The following ANKS1B variants were observed in gnomAD, a reference collection of about 807,000 sequenced individuals.
ANKS1B encodes the protein ankyrin repeat and sterile alpha motif domain-containing protein 1B.
In ANKS1B, 36 loss-of-function variants were observed where a neutral mutation model predicts 148.3. The ratio of observed to expected loss-of-function variants is 0.24; its 90% CI spans 0.19 to 0.32. The LOEUF (loss-of-function observed/expected upper bound fraction) is 0.32, where lower values mean the gene tolerates loss of function less well. Among genes scored for constraint, ANKS1B ranks in the 10% least tolerant of loss-of-function variants. The pLI, the probability that ANKS1B is intolerant of heterozygous loss-of-function variation, is 1.00. For synonymous variants in ANKS1B, 542 were observed against 560.8 expected, an observed-to-expected ratio of 0.97 and a Z score of 0.47; for missense variants, 1,157 against 1,542.6, an observed-to-expected ratio of 0.75 and a Z score of 4.19.
chr12:99,166,473 A>T (rs932646987), intron 14 of ANKS1B, among the ~76,000 whole-genome samples: 2 of 151,974 alleles, frequency 1.3e-5, no homozygotes, highest in African/African-American at 4.8e-5. Flanking sequence ...GTATTTCCCT[A>T]CACTAACAAT....
chr12:99,889,065 T>G (rs943055967), intron 1 of ANKS1B, among the ~76,000 whole-genome samples: 35 of 152,230 alleles, frequency 2.3e-4, no homozygotes, highest in Non-Finnish European at 3.5e-4. Context: ...TTTATAATTA[T>G]GTGCAAGAAT....
intron 12 of ANKS1B, among the ~76,000 whole-genome samples, chr12:99,384,526 G>A (rs1158731579): frequency 6.6e-6 from 1 of 151,292 alleles, no homozygotes; most frequent in Non-Finnish European, 1.5e-5. Flanking sequence ...ATTTTTCATA[G>A]TAAGTGGCAA....
chr12:98,874,670 TA>T (rs2099683172), intron 17 of ANKS1B, among the ~76,000 whole-genome samples: 1 of 152,162 alleles, frequency 6.6e-6, no homozygotes, highest in Admixed American at 6.6e-5. Context: ...GGAACCTGGT[TA>T]AAAATACCTG....
chr12:99,912,434 CTCTGCCTCCCGGG>C (rs1194266462), intron 1 of ANKS1B, among the ~76,000 whole-genome samples: 2 of 151,966 alleles, frequency 1.3e-5, no homozygotes, highest in Non-Finnish European at 2.9e-5. Flanking sequence ...TCACTGCAAC[CTCTGCCTCCCGGG>C]TTCAAGTGAT....
intron 8 of ANKS1B, among the ~76,000 whole-genome samples, chr12:99,664,841 C>T (rs1021318700): frequency 6.6e-6 from 1 of 152,160 alleles, no homozygotes; most frequent in South Asian, 2.1e-4. Flanking sequence ...TGAAAATTAC[C>T]TTGCAAGGCT....
chr12:99,893,680 A>G (rs1282860988), intron 1 of ANKS1B, among the ~76,000 whole-genome samples: 2 of 152,302 alleles, frequency 1.3e-5, no homozygotes, highest in East Asian at 3.9e-4. Context: ...TATTGTTCCC[A>G]TATTTATGAC....
intron 19 of ANKS1B, among the ~76,000 whole-genome samples, chr12:98,809,770 G>A (rs999457296): frequency 2.0e-5 from 3 of 152,106 alleles, no homozygotes; most frequent in Admixed American, 1.3e-4. Context: ...TGGCCAAGGG[G>A]ACCCCAGAAA....
At chr12:99,188,693 G>A (rs541634228) in intron 14 of ANKS1B, among the ~76,000 whole-genome samples, 1 of 152,308 alleles carries the variant, frequency 6.6e-6, no homozygotes, top group South Asian at 2.1e-4. Context: ...CATAGCTAAA[G>A]CACTGTTTAG....
At chr12:98,749,730 T>G (rs923622218) in intron 26 of ANKS1B, among the ~76,000 whole-genome samples, 3 of 152,032 alleles carry the variant, frequency 2.0e-5, no homozygotes, top group South Asian at 4.2e-4. Flanking sequence ...GAAACTGCAT[T>G]CTGGGTACTT....
chr12:99,813,001 C>T (rs2068625120), intron 2 of ANKS1B, among the ~76,000 whole-genome samples: 1 of 151,728 alleles, frequency 6.6e-6, no homozygotes, highest in African/African-American at 2.4e-5. Flanking sequence ...TCAGTGATGG[C>T]ACACAACACA....
chr12:99,448,377 T>C (rs1207757879), intron 10 of ANKS1B, among the ~76,000 whole-genome samples: 2 of 152,156 alleles, frequency 1.3e-5, no homozygotes, highest in Non-Finnish European at 2.9e-5. Context: ...CTCACTTATA[T>C]ATGAAATCTA....
chr12:98,961,549 C>T (rs1434624985), intron 17 of ANKS1B, among the ~76,000 whole-genome samples: 2 of 151,932 alleles, frequency 1.3e-5, no homozygotes, highest in African/African-American at 2.4e-5. Context: ...TCTGAAGGTG[C>T]AAAAAACTCA....
At chr12:99,817,256 A>C (rs1400459981) in intron 2 of ANKS1B, among the ~76,000 whole-genome samples, 1 of 150,766 alleles carries the variant, frequency 6.6e-6, no homozygotes, top group Admixed American at 6.7e-5. Context: ...TATGAGTGAG[A>C]GCATGTGATG....
chr12:99,794,087 T>C (rs549679264), intron 4 of ANKS1B, among the ~76,000 whole-genome samples: 1 of 152,150 alleles, frequency 6.6e-6, no homozygotes, highest in East Asian at 1.9e-4. Context: ...GCATCATTGA[T>C]CATCGGAGAA....
chr12:99,477,796 G>A (rs149668263), intron 10 of ANKS1B, among the ~76,000 whole-genome samples: 1,913 of 152,100 alleles, frequency 0.013, 15 homozygotes, highest in Non-Finnish European at 0.02. Flanking sequence ...ATTATGCCAG[G>A]TCATAAACAG....
intron 9 of ANKS1B, among the ~76,000 whole-genome samples, chr12:99,599,807 T>C (rs2097786682): frequency 6.6e-6 from 1 of 152,008 alleles, no homozygotes; most frequent in Non-Finnish European, 1.5e-5. Context: ...GGCATCCAAA[T>C]TGAGATTCTG....
intron 9 of ANKS1B, among the ~76,000 whole-genome samples, chr12:99,557,422 A>C (rs1189700434): frequency 6.6e-6 from 1 of 152,066 alleles, no homozygotes; most frequent in Non-Finnish European, 1.5e-5. Context: ...TTGAGCTCTG[A>C]GAGTCTTTCC....
chr12:99,394,991 G>C (rs1173807523), intron 12 of ANKS1B, among the ~76,000 whole-genome samples: 1 of 152,142 alleles, frequency 6.6e-6, no homozygotes, highest in Non-Finnish European at 1.5e-5. Context: ...TAAGGAGAAA[G>C]GTCTTGGAGT....
intron 19 of ANKS1B, among the ~76,000 whole-genome samples, chr12:98,821,655 C>T (rs2099193299): frequency 6.6e-6 from 1 of 152,204 alleles, no homozygotes; most frequent in African/African-American, 2.4e-5. Flanking sequence ...GTTTCCCAGG[C>T]TGGAGTGCAG....
Sources: allele counts gnomAD v4.1 joint callset (sites outside exome capture counted in the v4.1 genomes callset), GRCh38; gene constraint gnomAD v4.1.1; transcripts MANE v1.5; gene names NCBI Gene and HGNC (gene_info 2026-07-23, HGNC 2026-07-21).